Variants in DIPK1B observed in about 807,000 individuals in gnomAD.
DIPK1B encodes divergent protein kinase domain 1B, also known as family with sequence similarity 69 member B.
DIPK1B carries 17 observed loss-of-function variants against 20.7 expected under a neutral mutation model. The observed-to-expected ratio is 0.82, with a 90% confidence interval of 0.56 to 1.23. The LOEUF is 1.23. Ranked by LOEUF, DIPK1B falls within the 50% of genes most tolerant of loss-of-function variation. DIPK1B has a pLI of 0.00. For missense variants in DIPK1B, 648 were observed against 601.8 expected (o/e 1.08, Z -0.80); for synonymous variants, 343 against 276.5 (o/e 1.24, Z -2.39).
chr9:136,720,234 G>A (rs1176263065), intron 2 of DIPK1B, among the ~76,000 whole-genome samples: 2 of 151,932 alleles, frequency 1.3e-5, no homozygotes, highest in Non-Finnish European at 1.5e-5. Flanking sequence ...TCTTGACGAA[G>A]AGCCGGCGTT....
chr9:136,722,266 A>G lies in DIPK1B; in HGVS notation c.448A>G (p.Lys150Glu), dbSNP rs1198562457. The G allele has an allele frequency of 6.2e-7, 1 of 1,613,702 alleles. No homozygotes were observed. The highest frequency in any genetic ancestry group is 8.5e-7 in the Non-Finnish European group (1 of 1,179,910). ...FDKPTRGTSIKEFREMTLSFL... is the reference protein window; with the variant it reads ...FDKPTRGTSIEEFREMTLSFL... ...CAAGCCCACCCGGGGCACCTCCATC[A>G]AGGAATTCCGGGAGATGACCCTCAG... is the stretch of plus-strand genomic sequence containing the variant. The change falls in exon 4 of 5, where the codon AAG (lysine) becomes GAG (glutamate). Residue 150 changes from lysine to glutamate, a missense_variant. By Grantham distance (56) the Lys-to-Glu change is moderately conservative (BLOSUM62 1). Transcript: ENST00000371692.
chr9:136,722,190 C>T lies in DIPK1B; in HGVS notation c.372C>T (p.Asp124=). Residue 124 remains aspartate, a synonymous_variant, in exon 4 of 5, where the codon GAC becomes GAT. Coordinates refer to ENST00000371692, the MANE Select transcript of DIPK1B (RefSeq NM_152421.4). ...AGTGTGGCATTGAGGAGACCCTCGA[C>T]TCCAAGGCCCGGTCGGATGCGGCCC... The part of the protein sequence containing the change: ...TIKCGIEETL[D]SKARSDAAPR... 2 of 1,614,024 alleles carry T rather than the reference C, an allele frequency of 1.2e-6. No individual in the cohort carries two copies. The highest frequency in any genetic ancestry group is 1.7e-6 in the Non-Finnish European group (2 of 1,179,998).
intron 1 of DIPK1B, among the ~76,000 whole-genome samples, chr9:136,713,845 C>T (rs1349258799): frequency 6.6e-6 from 1 of 152,270 alleles, no homozygotes; most frequent in Non-Finnish European, 1.5e-5. Flanking sequence ...AGTTTCCTGG[C>T]CTTGTGAACT....
intron 4 of DIPK1B, 105 bp from the exon 5 acceptor site, chr9:136,722,857 G>T: frequency 8.3e-7 from 1 of 1,206,418 alleles, no homozygotes; most frequent in Non-Finnish European, 1.1e-6. Flanking sequence ...AGATGTGCTG[G>T]TCTGGCCGGC....
chr9:136,716,310 C>G (rs1341959771), intron 1 of DIPK1B, among the ~76,000 whole-genome samples: 1 of 150,030 alleles, frequency 6.7e-6, no homozygotes, highest in African/African-American at 2.5e-5. Context: ...GCTTTCTCAC[C>G]CAGGCTGGAG....
chr9:136,722,349 AT>A, intron 4 of DIPK1B, 48 bp downstream of exon 4: 1 of 1,575,776 alleles, frequency 6.3e-7, no homozygotes, highest in Non-Finnish European at 8.6e-7. Flanking sequence ...CACCACGGTC[AT>A]ATGCCCAGCA....
At chr9:136,718,148 C>T (rs1479415230) in intron 2 of DIPK1B, among the ~76,000 whole-genome samples, 3 of 137,010 alleles carry the variant, frequency 2.2e-5, no homozygotes, top group Non-Finnish European at 4.8e-5. Context: ...TAGCGACCCC[C>T]GTGTGCTGGC....
At chr9:136,720,270 C>T (rs1846576295) in intron 2 of DIPK1B, among the ~76,000 whole-genome samples, 1 of 152,190 alleles carries the variant, frequency 6.6e-6, no homozygotes, top group Admixed American at 6.5e-5. Flanking sequence ...CAGACGCTGC[C>T]TTCATGACTC....
intron 1 of DIPK1B, among the ~76,000 whole-genome samples, chr9:136,716,997 G>A (rs1033516027): frequency 1.3e-5 from 2 of 152,150 alleles, no homozygotes; most frequent in Non-Finnish European, 2.9e-5. Flanking sequence ...GGGAGGCCAA[G>A]GCAGGTAGAT....
Position 136,721,987 on chromosome 9 carries a change from GT to G in DIPK1B, c.266del (p.Val89GlyfsTer25). The G allele has an allele frequency of 6.2e-7, 1 of 1,613,648 alleles. No homozygotes were observed. Among genetic ancestry groups the G allele is most frequent in the Non-Finnish European group, 8.5e-7 (1 of 1,179,956 alleles). The part of the protein sequence containing the change: ...VCQDLCELHM[V>X]EWRTCLSVAP... Reference sequence around the variant, plus strand: ...CCAGGACCTGTGTGAGCTGCATATGGTGGAGTGGAGGACCTGCCTCTCGGTG... The same window carrying G: ...CCAGGACCTGTGTGAGCTGCATATGGGGAGTGGAGGACCTGCCTCTCGGTG... On this transcript the variant is annotated frameshift_variant, in exon 3 of 5. Coordinates refer to ENST00000371692, the MANE Select transcript of DIPK1B (RefSeq NM_152421.4). LOFTEE classifies it high-confidence loss of function.
chr9:136,723,084 G>A lies in DIPK1B; in HGVS notation c.606G>A (p.Gln202=). 1.2e-6 allele frequency: 2 copies of A among 1,613,644 alleles called. No homozygotes were observed. ...AEAKSVWALL[Q]RNEFLLLLSL... ...CCAAGTCCGTGTGGGCCCTGCTGCA[G>A]CGTAACGAGTTCCTGCTGCTGCTGT... The change falls in exon 5 of 5, where the codon CAG becomes CAA. Residue 202 remains glutamine, a synonymous_variant. Transcript: ENST00000371692.
intron 1 of DIPK1B, among the ~76,000 whole-genome samples, chr9:136,714,805 T>C (rs1846474015): frequency 6.6e-6 from 1 of 152,122 alleles, no homozygotes; most frequent in African/African-American, 2.4e-5. Context: ...TCTGGGCCCT[T>C]CCCCAGCTGC....
intron 2 of DIPK1B, among the ~76,000 whole-genome samples, chr9:136,718,546 A>G (rs933431711): frequency 1.9e-4 from 29 of 152,196 alleles, no homozygotes; most frequent in Non-Finnish European, 4.4e-5. Context: ...GGCAAACCCT[A>G]GACTCGCCCA....
In DIPK1B at chr9:136,724,280, A is replaced by G. The variant is rs1211720081; in HGVS notation, c.*506A>G. On this transcript the variant is annotated 3_prime_UTR_variant, in exon 5 of 5. Coordinates refer to ENST00000371692, the MANE Select transcript of DIPK1B (RefSeq NM_152421.4). Reference sequence around the variant, plus strand: ...AACACAGCGGCTTCTGAAACAGTCAATGACCAGTACCCCCCAAACCTGGGC... The same window carrying G: ...AACACAGCGGCTTCTGAAACAGTCAGTGACCAGTACCCCCCAAACCTGGGC... 6.6e-6 allele frequency among the ~76,000 whole-genome samples: 1 copy of G among 152,222 alleles called. No homozygotes were observed. The highest frequency in any genetic ancestry group is 1.5e-5 in the Non-Finnish European group (1 of 68,030).
chr9:136,718,858 G>C (rs934828079), intron 2 of DIPK1B, among the ~76,000 whole-genome samples: 1 of 152,224 alleles, frequency 6.6e-6, no homozygotes, highest in Non-Finnish European at 1.5e-5. Context: ...GAAAGGCCCA[G>C]ATGTGGCAGT....
intron 4 of DIPK1B, chr9:136,722,628 C>T (rs1846625250): frequency 5.3e-6 from 3 of 561,274 alleles, no homozygotes; most frequent in East Asian, 3.0e-5. Context: ...AGGGCTTCAG[C>T]CAGTGCGTGC....
At position 136,722,815 on chromosome 9, in the gene DIPK1B, G is replaced by C. The variant is rs989881007; in HGVS notation, c.484-147G>C. On this transcript the variant is annotated intron_variant, in intron 4 of 4. Transcript: ENST00000371692. Reference sequence around the variant, plus strand: ...ACATTGCTGGCTGCGTCCTCCACCCGTGTAGCTGTGGGCTGGGACCCCTAA... The same window carrying C: ...ACATTGCTGGCTGCGTCCTCCACCCCTGTAGCTGTGGGCTGGGACCCCTAA... 4 of 770,090 alleles carry C rather than the reference G, an allele frequency of 5.2e-6. No individual in the cohort carries two copies. The African/African-American group carries it at 7.0e-5, about 14-fold the overall frequency. 47.7% of individuals were successfully genotyped at this position (770,090 alleles called of 1,614,324 possible).
Position 136,721,933 on chromosome 9 carries a change from C to G in DIPK1B, c.211C>G (p.Arg71Gly). Reference sequence around the variant, plus strand: ...CCTGTCTCCTCAGTGTGACCAGTACCGCAAGGGGATCATCTCGGGCTCCGT... The same window carrying G: ...CCTGTCTCCTCAGTGTGACCAGTACGGCAAGGGGATCATCTCGGGCTCCGT... ...VCQVVICDQY[R>G]KGIISGSVCQ... is the part of the protein sequence containing the mutation. Residue 71 changes from arginine (R) to glycine (G), a missense_variant, in exon 3 of 5, where the codon CGC becomes GGC. By Grantham distance (125) the Arg-to-Gly change is moderately radical. Transcript: ENST00000371692. The G allele has an allele frequency of 6.2e-7, 1 of 1,613,364 alleles. No homozygotes were observed. Among genetic ancestry groups the G allele is most frequent in the Non-Finnish European group, 8.5e-7 (1 of 1,179,934 alleles).
Position 136,723,323 on chromosome 9 carries a change from T to C in DIPK1B, c.845T>C (p.Val282Ala), listed in dbSNP as rs780692305. The change falls in exon 5 of 5, where the codon GTG becomes GCG. Residue 282 changes from valine (V) to alanine (A), a missense_variant. Transcript: ENST00000371692. ...ATCGCCATCGGCCTGCTGGAGTTCG[T>C]GGAGGAGCTCTTCCACGGCTCTTAC... The part of the protein sequence containing the change: ...AKIAIGLLEF[V>A]EELFHGSYGT... 3.7e-6 allele frequency: 6 copies of C among 1,613,020 alleles called. No homozygotes were observed. The African/African-American group carries it at 5.3e-5, about 14-fold the overall frequency.
Sources: gnomAD v4.1 joint callset for allele counts (sites outside exome capture counted in the v4.1 genomes callset) on GRCh38, gnomAD v4.1.1 for gene constraint, MANE v1.5 for transcripts, NCBI Gene and HGNC (gene_info 2026-07-23, HGNC 2026-07-21) for gene names.